SLC25A26: variants seen among roughly 807,000 people sequenced by gnomAD.
SLC25A26 encodes solute carrier family 25 member 26.
SLC25A26 carries 36 observed loss-of-function variants against 37.8 expected under a neutral mutation model. The ratio of observed to expected loss-of-function variants is 0.95; its 90% CI spans 0.73 to 1.26. The LOEUF (loss-of-function observed/expected upper bound fraction) is 1.26, where lower values mean the gene tolerates loss of function less well. Ranked by LOEUF, SLC25A26 falls within the 50% of genes most tolerant of loss-of-function variation. The pLI is 0.00. For synonymous variants in SLC25A26, 129 were observed against 122.5 expected (o/e 1.05, Z -0.35); for missense variants, 390 against 331.1 (o/e 1.18, Z -1.38).
At chr3:66,350,214 AC>A (rs1199733160) in intron 6 of SLC25A26, among the ~76,000 whole-genome samples, 45 of 152,360 alleles carry the variant, frequency 3.0e-4, no homozygotes, top group African/African-American at 9.6e-4. Flanking sequence ...AGATTGCATC[AC>A]ATGGCACTGC....
intron 5 of SLC25A26, among the ~76,000 whole-genome samples, chr3:66,277,182 C>CCT (rs2074181283): frequency 6.6e-6 from 1 of 152,042 alleles, no homozygotes; most frequent in Non-Finnish European, 1.5e-5. Context: ...CAATTACCAG[C>CCT]TCTTGAGCAG....
chr3:66,323,414 T>A (rs2075748908), intron 5 of SLC25A26, among the ~76,000 whole-genome samples: 3 of 152,222 alleles, frequency 2.0e-5, no homozygotes, highest in African/African-American at 7.2e-5. Context: ...CAGAGCCAAT[T>A]TATCAAGACA....
At chr3:66,224,257 A>T (rs1389404726) in intron 1 of SLC25A26, among the ~76,000 whole-genome samples, 2 of 152,226 alleles carry the variant, frequency 1.3e-5, no homozygotes, top group East Asian at 3.9e-4. Context: ...TCATGCTGCT[A>T]ACAAAGATAC....
intron 1 of SLC25A26, among the ~76,000 whole-genome samples, chr3:66,152,466 T>A (rs1374811356): frequency 6.6e-6 from 1 of 152,176 alleles, no homozygotes; most frequent in Non-Finnish European, 1.5e-5. Context: ...TTTCACCAAG[T>A]CTCCAGCTCT....
At chr3:66,248,011 A>G (rs970446124) in intron 3 of SLC25A26, among the ~76,000 whole-genome samples, 1 of 152,232 alleles carries the variant, frequency 6.6e-6, no homozygotes, top group Admixed American at 6.5e-5. Context: ...TAGTGCAATC[A>G]TTATTCTGTA....
chr3:66,194,311 G>T (rs1576630596), intron 1 of SLC25A26, among the ~76,000 whole-genome samples: 3 of 152,294 alleles, frequency 2.0e-5, no homozygotes. Flanking sequence ...GCTGGGTTGG[G>T]GGTTGAAAGG....
At chr3:66,330,824 G>A (rs1383772598) in intron 5 of SLC25A26, among the ~76,000 whole-genome samples, 1 of 151,988 alleles carries the variant, frequency 6.6e-6, no homozygotes. Context: ...AAATTCTTTT[G>A]ATACTGGAAG....
intron 3 of SLC25A26, among the ~76,000 whole-genome samples, chr3:66,252,902 T>G (rs2073139751): frequency 6.6e-6 from 1 of 152,044 alleles, no homozygotes; most frequent in Admixed American, 6.5e-5. Context: ...TCATGTAGTA[T>G]TTAAAAAATG....
intron 1 of SLC25A26, 124 bp downstream of exon 1, chr3:66,221,251 G>T: frequency 3.6e-6 from 4 of 1,103,974 alleles, no homozygotes; most frequent in Non-Finnish European, 3.7e-6. Flanking sequence ...GTTACTGGCA[G>T]CCAGGTCTGA....
intron 5 of SLC25A26, among the ~76,000 whole-genome samples, chr3:66,278,365 G>A (rs782731): frequency 0.52 from 78,569 of 151,914 alleles, 22,268 homozygotes; most frequent in African/African-American, 0.76. Context: ...TAATGTAGAA[G>A]GACTTAAGAT....
intron 1 of SLC25A26, among the ~76,000 whole-genome samples, chr3:66,197,170 A>T (rs1473506562): frequency 2.0e-5 from 3 of 151,992 alleles, no homozygotes; most frequent in Non-Finnish European, 4.4e-5. Flanking sequence ...CCCAATATGA[A>T]TTTTTTTCAA....
At chr3:66,275,629 G>T (rs576286454) in intron 5 of SLC25A26, among the ~76,000 whole-genome samples, 1 of 152,042 alleles carries the variant, frequency 6.6e-6, no homozygotes, top group Non-Finnish European at 1.5e-5. Flanking sequence ...GATACATTTA[G>T]CAAGAATTAT....
At chr3:66,237,934 G>A (rs969713024) in intron 2 of SLC25A26, among the ~76,000 whole-genome samples, 26 of 152,158 alleles carry the variant, frequency 1.7e-4, no homozygotes, top group Admixed American at 1.4e-3. Flanking sequence ...GGTTTGTAGT[G>A]CAAAGAGAAA....
At chr3:66,269,083 A>G (rs2073864205) in intron 5 of SLC25A26, among the ~76,000 whole-genome samples, 2 of 152,344 alleles carry the variant, frequency 1.3e-5, no homozygotes, top group South Asian at 4.1e-4. Flanking sequence ...TCTGCTCCTG[A>G]CAAGTTTACT....
intron 5 of SLC25A26, among the ~76,000 whole-genome samples, chr3:66,317,026 C>T (rs984242996): frequency 5.3e-5 from 8 of 152,284 alleles, no homozygotes; most frequent in Middle Eastern, 6.8e-3. Context: ...TGGTTCTTCA[C>T]TTCTTTGCAG....
intron 1 of SLC25A26, among the ~76,000 whole-genome samples, chr3:66,152,099 G>C (rs1403651837): frequency 6.6e-6 from 1 of 152,172 alleles, no homozygotes; most frequent in Non-Finnish European, 1.5e-5. Flanking sequence ...CCCAGTGCTT[G>C]AGAGATCCGT....
chr3:66,247,197 G>A (rs1417672738), intron 3 of SLC25A26, among the ~76,000 whole-genome samples: 1 of 152,016 alleles, frequency 6.6e-6, no homozygotes, highest in African/African-American at 2.4e-5. Flanking sequence ...TTGGTCAGCA[G>A]TGGGTACATA....
rs562950276 is a variant in SLC25A26 at position 66,173,534 on chromosome 3, A to G, written c.-354+39550A>G. Among the ~76,000 whole-genome samples, 3 of 152,292 alleles carry G rather than the reference A, an allele frequency of 2.0e-5. No individual in the cohort carries two copies. In the East Asian group the frequency reaches 5.8e-4, roughly 29 times the overall value. ...TTTGTCTTCACTTACTTGAACTTAC[A>G]TCATCTGTAAGGTGCCTTGCAGATG... On this transcript the variant is annotated intron_variant, in intron 1 of 10. Transcript: ENST00000676754.
intron 1 of SLC25A26, among the ~76,000 whole-genome samples, chr3:66,149,474 A>G (rs2070168488): frequency 6.6e-6 from 1 of 152,222 alleles, no homozygotes; most frequent in African/African-American, 2.4e-5. Flanking sequence ...ACTTTGAGGT[A>G]TATTTCTCAC....
Sources: allele counts gnomAD v4.1 joint callset (sites outside exome capture counted in the v4.1 genomes callset), GRCh38; gene constraint gnomAD v4.1.1; transcripts MANE v1.5; gene names NCBI Gene and HGNC (gene_info 2026-07-23, HGNC 2026-07-21).